Variants in PDE10A observed in about 807,000 individuals in gnomAD.
The protein encoded by PDE10A is cAMP and cAMP-inhibited cGMP 3',5'-cyclic phosphodiesterase 10A.
Under a neutral mutation model 97.7 loss-of-function variants are expected in PDE10A, and 39 were observed. The observed-to-expected ratio is 0.40, with a 90% CI of 0.31 to 0.52. PDE10A has a LOEUF of 0.52. PDE10A is among the 20% of genes least tolerant of loss of function. The probability of loss-of-function intolerance (pLI) is 0.56; values close to 1 mark genes in which losing one functional copy is unlikely to be tolerated. For synonymous variants in PDE10A, 371 were observed against 376.8 expected (o/e 0.98, Z 0.18); for missense variants, 731 against 1,047.8 (o/e 0.70, Z 4.17).
chr6:165,518,291 G>C (rs146484365), intron 2 of PDE10A, among the ~76,000 whole-genome samples: 1 of 152,324 alleles, frequency 6.6e-6, no homozygotes, highest in Non-Finnish European at 1.5e-5. Context: ...TTCATCTGCA[G>C]TTTTACTTTC....
At chr6:165,633,343 T>C (rs1220895370) in intron 1 of PDE10A, among the ~76,000 whole-genome samples, 1 of 152,182 alleles carries the variant, frequency 6.6e-6, no homozygotes, top group African/African-American at 2.4e-5. Flanking sequence ...CCCTGAAATG[T>C]GGCTCAGAAG....
intron 1 of PDE10A, among the ~76,000 whole-genome samples, chr6:165,792,420 G>A (rs912813732): frequency 7.1e-6 from 1 of 140,924 alleles, no homozygotes; most frequent in African/African-American, 2.8e-5. Flanking sequence ...AGAGGGCCCG[G>A]GGTAGCCAAA....
At chr6:165,648,908 G>A (rs1032716015) in intron 1 of PDE10A, among the ~76,000 whole-genome samples, 1 of 152,188 alleles carries the variant, frequency 6.6e-6, no homozygotes, top group Admixed American at 6.5e-5. Context: ...TCCACAGAGT[G>A]AAAGGACCGT....
intron 1 of PDE10A, among the ~76,000 whole-genome samples, chr6:165,814,156 A>T (rs943926503): frequency 6.6e-6 from 1 of 152,178 alleles, no homozygotes; most frequent in African/African-American, 2.4e-5. Context: ...TTGGAAACAC[A>T]TGGGGCCAGG....
chr6:165,717,583 C>CA (rs34254822), intron 1 of PDE10A, among the ~76,000 whole-genome samples: 2,031 of 146,524 alleles, frequency 0.014, 39 homozygotes, highest in African/African-American at 0.044. Context: ...GACTCCGTCT[C>CA]AAAAAAAAAA....
chr6:165,895,657 C>T (rs1331325427), intron 1 of PDE10A, among the ~76,000 whole-genome samples: 2 of 152,222 alleles, frequency 1.3e-5, no homozygotes, highest in African/African-American at 4.8e-5. Context: ...CCACAGTCCT[C>T]TCAGACTTGC....
intron 1 of PDE10A, among the ~76,000 whole-genome samples, chr6:165,670,681 T>C (rs530681455): frequency 3.9e-5 from 6 of 152,232 alleles, no homozygotes; most frequent in Non-Finnish European, 7.3e-5. Flanking sequence ...AATGCCTTTT[T>C]CTTGTTTCTG....
intron 1 of PDE10A, chr6:165,894,480 A>G (rs1223204087): frequency 2.2e-6 from 1 of 456,080 alleles, no homozygotes; most frequent in South Asian, 1.5e-5. Flanking sequence ...GAGAGGGAAA[A>G]CCTAGATTTA....
At chr6:165,649,101 G>C (rs2128424316) in intron 1 of PDE10A, among the ~76,000 whole-genome samples, 1 of 152,312 alleles carries the variant, frequency 6.6e-6, no homozygotes, top group African/African-American at 2.4e-5. Context: ...AGACTTGGGT[G>C]TGCTCCACGG....
Position 165,396,383 on chromosome 6 carries a change from G to C in PDE10A, c.2153C>G (p.Thr718Ser). Residue 718 changes from threonine to serine, a missense_variant, in exon 14 of 22, where the codon ACT becomes AGT. Thr to Ser is a moderately conservative substitution (Grantham distance 58). Coordinates refer to ENST00000539869, the MANE Select transcript of PDE10A (RefSeq NM_001385079.1). The stretch of plus-strand genomic sequence containing the variant: ...CATGAGACCTTGCCACTCTTCTGAA[G>C]TACAAATGCTATGGTAGGACAGCTT... The part of the protein sequence containing the change: ...MEKLSYHSIC[T>S]SEEWQGLMQF... 1 of 1,613,412 alleles carries C rather than the reference G, an allele frequency of 6.2e-7. No individual in the cohort carries two copies. Among genetic ancestry groups the C allele is most frequent in the South Asian group, 1.1e-5 (1 of 91,052 alleles).
chr6:165,447,196 T>G (rs961989949), intron 5 of PDE10A, among the ~76,000 whole-genome samples: 1 of 152,310 alleles, frequency 6.6e-6, no homozygotes, highest in East Asian at 1.9e-4. Context: ...TCCCGTCCAC[T>G]GTAGCCATAG....
rs1583140471 is a variant in PDE10A, at chr6:165,819,134, A to G, written c.-615+168395T>C. Among the ~76,000 whole-genome samples the G allele has an allele frequency of 6.6e-6, 1 of 151,984 alleles. No homozygotes were observed. The highest frequency in any genetic ancestry group is 1.9e-4 in the East Asian group (1 of 5,170). ...GCATCTCAAACTCAGTATTTCCAAA[A>G]CCAGTTTTCAAAACCGAGTTCATCT... is the stretch of plus-strand genomic sequence containing the variant. On this transcript the variant is annotated intron_variant, in intron 1 of 19. Transcript: ENST00000366882. This position sits in a 1 kb window ranked among gnomAD's most constrained non-coding sequence, Gnocchi z 4.2.
intron 1 of PDE10A, among the ~76,000 whole-genome samples, chr6:165,624,031 G>T (rs535189453): frequency 6.6e-6 from 1 of 152,174 alleles, no homozygotes; most frequent in Non-Finnish European, 1.5e-5. Context: ...CAAGGCCAAG[G>T]CCTCCTCATC....
intron 2 of PDE10A, among the ~76,000 whole-genome samples, chr6:165,515,203 C>T (rs890327921): frequency 6.6e-6 from 1 of 152,108 alleles, no homozygotes; most frequent in Non-Finnish European, 1.5e-5. Flanking sequence ...TTGTACTTTG[C>T]ATTCTAATGT....
intron 1 of PDE10A, among the ~76,000 whole-genome samples, chr6:165,625,298 C>G (rs1788330907): frequency 6.6e-6 from 1 of 152,172 alleles, no homozygotes; most frequent in Non-Finnish European, 1.5e-5. Flanking sequence ...GGCTGTCTCA[C>G]TGGTCCAGGA....
intron 1 of PDE10A, among the ~76,000 whole-genome samples, chr6:165,648,515 G>T (rs1356457409): frequency 6.6e-6 from 1 of 151,934 alleles, no homozygotes; most frequent in African/African-American, 2.4e-5. Context: ...TTTGGAAAAC[G>T]TTTAGGTCAC....
chr6:165,410,067 T>A (rs969374834), intron 13 of PDE10A, among the ~76,000 whole-genome samples: 1 of 152,124 alleles, frequency 6.6e-6, no homozygotes, highest in African/African-American at 2.4e-5. Context: ...TTTAAGATGA[T>A]CAATTTCCAT....
intron 1 of PDE10A, among the ~76,000 whole-genome samples, chr6:165,644,503 G>A (rs1352712748): frequency 1.3e-5 from 2 of 152,206 alleles, no homozygotes; most frequent in Non-Finnish European, 1.5e-5. Flanking sequence ...ATGCCCAGAG[G>A]TAAGGGCAAC....
At chr6:165,796,315 T>C (rs1778831725) in intron 1 of PDE10A, among the ~76,000 whole-genome samples, 1 of 152,122 alleles carries the variant, frequency 6.6e-6, no homozygotes, top group Non-Finnish European at 1.5e-5. Flanking sequence ...CTCTATCTCC[T>C]GACCTCATGA....
Sources: gnomAD v4.1 joint callset for allele counts (sites outside exome capture counted in the v4.1 genomes callset) on GRCh38, gnomAD v4.1.1 for gene constraint, Gnocchi (gnomAD v3.1) non-coding constraint, MANE v1.5 for transcripts, NCBI Gene and HGNC (gene_info 2026-07-23, HGNC 2026-07-21) for gene names.